Variants in GDPD4 observed in about 807,000 individuals in gnomAD.
The protein encoded by GDPD4 is glycerophosphodiester phosphodiesterase domain containing 4, also known as glycerophosphodiester phosphodiesterase 6.
Under a neutral mutation model 67.8 loss-of-function variants are expected in GDPD4, and 60 were observed. The observed-to-expected ratio is 0.88, with a 90% CI of 0.72 to 1.10. GDPD4 has a LOEUF of 1.10. Among genes scored for constraint, GDPD4 ranks in the 50% least tolerant of loss-of-function variants. The probability of loss-of-function intolerance (pLI) is 0.00; values close to 1 mark genes in which losing one functional copy is unlikely to be tolerated. For synonymous variants in GDPD4, 212 were observed against 210.9 expected (o/e 1.00, Z -0.04); for missense variants, 623 against 613.9 (o/e 1.01, Z -0.16).
At chr11:77,253,670 G>A (rs748610526) in intron 11 of GDPD4, among the ~76,000 whole-genome samples, 1 of 152,160 alleles carries the variant, frequency 6.6e-6, no homozygotes, top group African/African-American at 2.4e-5. Flanking sequence ...TTCTCCAAGG[G>A]TTGATGTGCC....
At chr11:77,269,131 T>C in intron 8 of GDPD4, 62 bp from the exon 9 acceptor site, 2 of 1,509,528 alleles carry the variant, frequency 1.3e-6, no homozygotes, top group Admixed American at 3.6e-5. Context: ...TGGAAAATCA[T>C]CCCAAGCAAA....
intron 13 of GDPD4, among the ~76,000 whole-genome samples, chr11:77,241,638 T>TAAAAA (rs36036994): frequency 8.2e-5 from 5 of 60,820 alleles, no homozygotes; most frequent in Non-Finnish European, 1.1e-4. Context: ...ACCCTGTCTT[T>TAAAAA]AAAAAAAAAA....
chr11:77,249,527 C>G (rs1279245476), intron 11 of GDPD4, among the ~76,000 whole-genome samples: 2 of 152,134 alleles, frequency 1.3e-5, no homozygotes. Context: ...ATCAACAACT[C>G]TTATTGGATC....
chr11:77,223,945 C>G (rs575400804), intron 16 of GDPD4, among the ~76,000 whole-genome samples: 33 of 152,336 alleles, frequency 2.2e-4, no homozygotes, highest in African/African-American at 6.5e-4. Flanking sequence ...GCAGTTCCAT[C>G]TGGACTGCTG....
At chr11:77,273,940 A>T (rs182653457) in intron 5 of GDPD4, among the ~76,000 whole-genome samples, 96 of 152,302 alleles carry the variant, frequency 6.3e-4, no homozygotes, top group Non-Finnish European at 1.1e-3. Context: ...GCCTGAAAAA[A>T]GGTGAGAGAT....
chr11:77,233,889 G>A (rs1458352247), intron 13 of GDPD4, among the ~76,000 whole-genome samples: 1 of 152,062 alleles, frequency 6.6e-6, no homozygotes, highest in African/African-American at 2.4e-5. Flanking sequence ...ATGAAAATAG[G>A]GGGAAAACCT....
chr11:77,296,458 T>G (rs1269165685), intron 1 of GDPD4, among the ~76,000 whole-genome samples: 7 of 150,840 alleles, frequency 4.6e-5, no homozygotes, highest in Non-Finnish European at 1.0e-4. Flanking sequence ...GTAGCTGGCA[T>G]TACAAGCACG....
chr11:77,230,624 C>T (rs1349560739), intron 14 of GDPD4, among the ~76,000 whole-genome samples: 1 of 152,108 alleles, frequency 6.6e-6, no homozygotes, highest in Non-Finnish European at 1.5e-5. Context: ...ACATAGAACT[C>T]GATCAGCAGA....
intron 1 of GDPD4, among the ~76,000 whole-genome samples, chr11:77,295,150 T>G (rs2135897427): frequency 6.6e-6 from 1 of 151,180 alleles, no homozygotes; most frequent in East Asian, 2.0e-4. Flanking sequence ...TTGTTGTTGT[T>G]TTTGTTTTTG....
chr11:77,217,308 T>TGAG lies in GDPD4; in HGVS notation c.1529_1531dup (p.Thr510_Gln511insPro), dbSNP rs1565500613. The TGAG allele has an allele frequency of 6.2e-7, 1 of 1,604,252 alleles. No individual in the cohort carries two copies. Among genetic ancestry groups the TGAG allele is most frequent in the Non-Finnish European group, 8.5e-7 (1 of 1,170,996 alleles). On this transcript the variant is annotated inframe_insertion, in exon 17 of 17. Transcript: ENST00000315938. ...ATCTTCCTCATTCTTACTTCCACTCTGAGTATCTGTGGGATGGAAAAGACA... is the reference window on the plus strand; with the variant it reads ...ATCTTCCTCATTCTTACTTCCACTCTGAGGAGTATCTGTGGGATGGAAAAGACA...
chr11:77,265,678 A>C (rs1454188986), intron 10 of GDPD4, among the ~76,000 whole-genome samples: 1 of 152,152 alleles, frequency 6.6e-6, no homozygotes, highest in Non-Finnish European at 1.5e-5. Context: ...ATTTAGTTCT[A>C]TATTTAGTTT....
intron 5 of GDPD4, 42 bp downstream of exon 5, chr11:77,276,119 A>T (rs1959454388): frequency 6.9e-7 from 1 of 1,452,298 alleles, no homozygotes; most frequent in Non-Finnish European, 9.7e-7. Context: ...TCTAAGGTTC[A>T]GTCCTGGTCT....
intron 1 of GDPD4, among the ~76,000 whole-genome samples, chr11:77,293,938 G>C (rs1320196992): frequency 6.6e-6 from 1 of 151,764 alleles, no homozygotes; most frequent in Admixed American, 6.6e-5. Flanking sequence ...AGAAATAAAA[G>C]GCATAAAGAA....
chr11:77,273,801 G>C (rs1373515094), intron 5 of GDPD4, among the ~76,000 whole-genome samples: 4 of 152,184 alleles, frequency 2.6e-5, no homozygotes, highest in Non-Finnish European at 1.5e-5. Context: ...ATTAAGAAAA[G>C]GTGCTGGAAC....
chr11:77,223,486 C>T (rs1958266952), intron 16 of GDPD4, among the ~76,000 whole-genome samples: 2 of 152,150 alleles, frequency 1.3e-5, no homozygotes, highest in South Asian at 2.1e-4. Flanking sequence ...TGGAGGTCCA[C>T]TCCAGACCCT....
At chr11:77,300,289 C>T (rs985843331) in intron 1 of GDPD4, among the ~76,000 whole-genome samples, 1 of 152,178 alleles carries the variant, frequency 6.6e-6, no homozygotes, top group Non-Finnish European at 1.5e-5. Context: ...GCAGCAGGGG[C>T]CACGTGTGTC....
At chr11:77,232,904 T>A in intron 14 of GDPD4, 121 bp downstream of exon 14, 1 of 774,828 alleles carries the variant, frequency 1.3e-6, no homozygotes, top group Non-Finnish European at 2.1e-6. Flanking sequence ...TCTCCAATAT[T>A]CATAGAAGTC....
At chr11:77,252,072 T>TG (rs1958914785) in intron 11 of GDPD4, among the ~76,000 whole-genome samples, 1 of 147,930 alleles carries the variant, frequency 6.8e-6, no homozygotes, top group African/African-American at 2.5e-5. Context: ...TTTGTTTTTT[T>TG]TTTTTTTTTG....
chr11:77,241,649 A>AAAG (rs1958667973), intron 13 of GDPD4, among the ~76,000 whole-genome samples: 1 of 149,154 alleles, frequency 6.7e-6, no homozygotes, highest in African/African-American at 2.5e-5. Context: ...AAAAAAAAAA[A>AAAG]AAAAAAAAAA....
Sources: allele counts gnomAD v4.1 joint callset (sites outside exome capture counted in the v4.1 genomes callset), GRCh38; gene constraint gnomAD v4.1.1; transcripts MANE v1.5; gene names NCBI Gene and HGNC (gene_info 2026-07-23, HGNC 2026-07-21).